ZNF106: variants seen among roughly 807,000 people sequenced by gnomAD.
ZNF106 encodes the protein zinc finger protein 106, also known as SH3-domain binding protein 3.
In ZNF106, 67 loss-of-function variants were observed where a neutral mutation model predicts 195.1. The observed-to-expected ratio is 0.34, with a 90% CI of 0.28 to 0.42. The LOEUF (loss-of-function observed/expected upper bound fraction) is 0.42, where lower values mean the gene tolerates loss of function less well. Among genes scored for constraint, ZNF106 ranks in the 10% least tolerant of loss-of-function variants. The pLI is 1.00. For missense variants in ZNF106, 2,118 were observed against 2,304.5 expected (o/e 0.92, Z 1.66); for synonymous variants, 784 against 818.6 (o/e 0.96, Z 0.72).
chr15:42,447,707 G>C (rs2055824523), intron 6 of ZNF106, among the ~76,000 whole-genome samples: 1 of 152,178 alleles, frequency 6.6e-6, no homozygotes. Context: ...TGCCCTACAA[G>C]TGCAACAGTA....
chr15:42,450,921 C>A lies in ZNF106; in HGVS notation c.1351G>T (p.Val451Leu), dbSNP rs1354063708. 3 of 1,614,002 alleles carry A rather than the reference C, an allele frequency of 1.9e-6. No individual in the cohort carries two copies. The highest frequency in any genetic ancestry group is 2.7e-5 in the African/African-American group (2 of 74,882). The change falls in exon 5 of 22, where the codon GTG becomes TTG. Residue 451 changes from valine (V) to leucine (L), a missense_variant. Transcript: ENST00000564754. ...TCTGCAGTGGGGCACTGTCTCACCA[C>A]CTCGAAGGAAGCAGCGGAATCAGAA... ...ASSDSAASFE[V>L]VRQCPTAEKP...
In ZNF106 at chr15:42,439,773, A is replaced by C; in HGVS notation, c.3804T>G (p.Thr1268=). 6.3e-7 allele frequency: 1 copy of C among 1,590,664 alleles called. No homozygotes were observed. Reference sequence around the variant, plus strand: ...TTGACTCTGGTAAGGACAATCTAGCAGTGATGACTGGATAAACTGGACAAC... The same window carrying C: ...TTGACTCTGGTAAGGACAATCTAGCCGTGATGACTGGATAAACTGGACAAC... ...SDSCPVYPVI[T]ARLSLPESTE... Residue 1268 remains threonine (T), a synonymous_variant, in exon 11 of 22, where the codon ACT becomes ACG. Transcript: ENST00000564754.
Position 42,448,327 on chromosome 15 carries a change from A to G in ZNF106, c.2880T>C (p.Ser960=). 3 of 1,614,196 alleles carry G rather than the reference A, an allele frequency of 1.9e-6. No homozygotes were observed. Among genetic ancestry groups the G allele is most frequent in the East Asian group, 2.2e-5 (1 of 44,882 alleles). The stretch of plus-strand genomic sequence containing the variant: ...TTATATGGTCAGAGGATAATTGTGC[A>G]CTATGTCGCCTTTGGGTAGCAACAT... ...AENVATQRRH[S]AQLSSDHIIP... Residue 960 remains serine, a synonymous_variant, in exon 6 of 22, where the codon AGT becomes AGC. Transcript: ENST00000564754.
chr15:42,442,887 G>A (rs1282333534), intron 9 of ZNF106, among the ~76,000 whole-genome samples: 3 of 151,896 alleles, frequency 2.0e-5, no homozygotes, highest in Admixed American at 1.3e-4. Context: ...GGGTCCAAGC[G>A]ATTCTCCTGC....
intron 7 of ZNF106, among the ~76,000 whole-genome samples, chr15:42,446,212 G>C (rs2055762512): frequency 6.6e-6 from 1 of 152,160 alleles, no homozygotes; most frequent in South Asian, 2.1e-4. Context: ...TCCAAAAAAA[G>C]TAAATGGACA....
chr15:42,472,976 A>G (rs989463532), intron 1 of ZNF106, among the ~76,000 whole-genome samples: 1 of 151,484 alleles, frequency 6.6e-6, no homozygotes, highest in African/African-American at 2.4e-5. Context: ...ACGGCACTCC[A>G]GCCTGGGCGA....
At chr15:42,437,185 T>C (rs1266313568) in intron 13 of ZNF106, 47 bp downstream of exon 13, 1 of 1,572,850 alleles carries the variant, frequency 6.4e-7, no homozygotes, top group South Asian at 1.2e-5. Context: ...AAACTGGATT[T>C]TCCAAAACCT....
At chr15:42,440,540 G>C (rs1428945138) in intron 10 of ZNF106, among the ~76,000 whole-genome samples, 1 of 151,934 alleles carries the variant, frequency 6.6e-6, no homozygotes, top group Non-Finnish European at 1.5e-5. Flanking sequence ...CTGCTCCTTT[G>C]TACAAGTTCT....
At chr15:42,422,927 C>CT (rs1467482893) in intron 17 of ZNF106, among the ~76,000 whole-genome samples, 1 of 152,116 alleles carries the variant, frequency 6.6e-6, no homozygotes, top group African/African-American at 2.4e-5. Context: ...AGTACTTTCA[C>CT]TTTTTTCATT....
In ZNF106 at chr15:42,478,585, A is replaced by G. The variant is rs561401626; in HGVS notation, c.-32-6264T>C. Among the ~76,000 whole-genome samples, 276 of 134,362 alleles carry G rather than the reference A, an allele frequency of 2.1e-3. 1 individual carries two copies. The highest frequency in any genetic ancestry group is 7.6e-3 in the African/African-American group (265 of 35,060). The allele number at this position is 134,362 out of a possible 152,430, so 88.1% of individuals were successfully genotyped here. On this transcript the variant is annotated intron_variant, in intron 1 of 21. Coordinates refer to ENST00000564754, the MANE Select transcript of ZNF106 (RefSeq NM_001366845.3). The stretch of plus-strand genomic sequence containing the variant: ...GGCAGGAGTGCAGTGGCATGATCTC[A>G]GCTCACGGCAACCTCCGCCTCCCAG...
intron 1 of ZNF106, among the ~76,000 whole-genome samples, chr15:42,477,905 A>G (rs116836115): frequency 6.6e-6 from 1 of 152,028 alleles, no homozygotes; most frequent in Non-Finnish European, 1.5e-5. Flanking sequence ...AAAACAAAAA[A>G]AAACAAACAA....
chr15:42,434,830 G>C (rs1054631658), intron 14 of ZNF106, among the ~76,000 whole-genome samples: 2 of 149,446 alleles, frequency 1.3e-5, no homozygotes, highest in Admixed American at 1.3e-4. Flanking sequence ...CTGGAGTGCA[G>C]TGGCACAATC....
intron 15 of ZNF106, 83 bp downstream of exon 15, chr15:42,427,935 C>A: frequency 8.6e-7 from 1 of 1,158,264 alleles, no homozygotes; most frequent in Non-Finnish European, 1.3e-6. Context: ...ATAGGAAAAT[C>A]CCTGCCTGCT....
intron 1 of ZNF106, among the ~76,000 whole-genome samples, chr15:42,482,809 G>A (rs190667174): frequency 6.9e-4 from 105 of 152,198 alleles, no homozygotes; most frequent in Non-Finnish European, 1.0e-3. Flanking sequence ...GATTACAGGC[G>A]TGAGCCACCG....
intron 1 of ZNF106, among the ~76,000 whole-genome samples, chr15:42,486,969 T>G (rs192202980): frequency 2.4e-3 from 362 of 151,606 alleles, no homozygotes; most frequent in African/African-American, 8.2e-3. Context: ...GCCAACATAG[T>G]GAAACCCCAT....
rs114621988 is a variant in ZNF106, at chr15:42,489,558, G to C, written c.-33+1422C>G. 8.0e-3 allele frequency among the ~76,000 whole-genome samples: 1,220 copies of C among 152,246 alleles called. 22 individuals carry two copies. The highest frequency in any genetic ancestry group is 0.028 in the African/African-American group (1,174 of 41,538). ...GGCTCCTACTATCTTCTAGACTCAA[G>C]AGTTAACTCTAGGCATGGCGCGGTA... On this transcript the variant is annotated intron_variant, in intron 1 of 21. Transcript: ENST00000564754.
chr15:42,466,564 A>G (rs1454016252), intron 2 of ZNF106, among the ~76,000 whole-genome samples: 1 of 152,252 alleles, frequency 6.6e-6, no homozygotes, highest in Non-Finnish European at 1.5e-5. Context: ...AGGGCCTAGC[A>G]TATAGTCATC....
At position 42,444,274 on chromosome 15, in the gene ZNF106, GTATTT is replaced by G. The variant is rs2055679499; in HGVS notation, c.3361-17_3361-13del. 7 of 1,599,076 alleles carry G rather than the reference GTATTT, an allele frequency of 4.4e-6. No individual in the cohort carries two copies. The highest frequency in any genetic ancestry group is 6.0e-6 in the Non-Finnish European group (7 of 1,168,486). The stretch of plus-strand genomic sequence containing the variant: ...ATCTCCATAGTTATCTAAAAATAAA[GTATTT>G]TATTAAGCATTTTGAAATCCAACTT... On this transcript the variant is annotated splice_polypyrimidine_tract_variant and intron_variant, in intron 8 of 21. Transcript: ENST00000564754.
At chr15:42,458,657 G>A (rs1000502293) in intron 3 of ZNF106, among the ~76,000 whole-genome samples, 1 of 150,644 alleles carries the variant, frequency 6.6e-6, no homozygotes, top group African/African-American at 2.4e-5. Context: ...GCAATGAGCC[G>A]AGATTACACC....
Sources: gnomAD v4.1 joint callset for allele counts (sites outside exome capture counted in the v4.1 genomes callset) on GRCh38, gnomAD v4.1.1 for gene constraint, MANE v1.5 for transcripts, NCBI Gene and HGNC (gene_info 2026-07-23, HGNC 2026-07-21) for gene names.